The following SLIT2 variants were observed in gnomAD, a reference collection of about 807,000 sequenced individuals.
SLIT2 encodes the protein slit guidance ligand 2.
In SLIT2, 41 loss-of-function variants were observed where a neutral mutation model predicts 185.7. The observed-to-expected ratio is 0.22, with a 90% CI of 0.17 to 0.29. The LOEUF (loss-of-function observed/expected upper bound fraction) is 0.29, where lower values mean the gene tolerates loss of function less well. SLIT2 is among the 10% of genes least tolerant of loss of function. SLIT2 has a pLI of 1.00. For missense variants in SLIT2, 1,571 were observed against 1,909.0 expected (o/e 0.82, Z 3.30); for synonymous variants, 693 against 680.2 (o/e 1.02, Z -0.29).
intron 4 of SLIT2, among the ~76,000 whole-genome samples, chr4:20,450,227 G>T (rs1193514177): frequency 3.3e-5 from 5 of 152,162 alleles, no homozygotes; most frequent in African/African-American, 1.2e-4. Flanking sequence ...ATAGTAAAAT[G>T]AGAACAGTGT....
intron 4 of SLIT2, among the ~76,000 whole-genome samples, chr4:20,368,202 A>G (rs953574040): frequency 6.8e-6 from 1 of 148,114 alleles, no homozygotes; most frequent in African/African-American, 2.5e-5. Context: ...GGTTTTTGAA[A>G]TAGTGTCACA....
intron 29 of SLIT2, among the ~76,000 whole-genome samples, chr4:20,575,399 A>C (rs565149286): frequency 6.6e-6 from 1 of 152,184 alleles, no homozygotes; most frequent in South Asian, 2.1e-4. Context: ...AATGTATATC[A>C]TTAGTCGATA....
chr4:20,606,617 T>C (rs1023247600), intron 33 of SLIT2, among the ~76,000 whole-genome samples: 1 of 152,240 alleles, frequency 6.6e-6, no homozygotes, highest in Non-Finnish European at 1.5e-5. Context: ...AGTTCTGGTG[T>C]GATCAGATTA....
At chr4:20,333,462 C>A (rs1357536223) in intron 4 of SLIT2, among the ~76,000 whole-genome samples, 3 of 152,192 alleles carry the variant, frequency 2.0e-5, no homozygotes, top group Admixed American at 2.0e-4. Context: ...CCTTGTTTCT[C>A]CCTCTCCCTC....
chr4:20,617,682 T>A (rs1458049672), intron 36 of SLIT2, 32 bp downstream of exon 36: 1 of 1,536,690 alleles, frequency 6.5e-7, no homozygotes, highest in Non-Finnish European at 8.9e-7. Flanking sequence ...CCTCATTCTC[T>A]TGGCAAAGCA....
intron 4 of SLIT2, among the ~76,000 whole-genome samples, chr4:20,453,434 G>A (rs905781667): frequency 6.6e-6 from 1 of 152,012 alleles, no homozygotes; most frequent in Admixed American, 6.6e-5. Flanking sequence ...TTATTTGTTG[G>A]TATGTATTTC....
At chr4:20,333,939 A>G (rs1445354353) in intron 4 of SLIT2, among the ~76,000 whole-genome samples, 1 of 152,212 alleles carries the variant, frequency 6.6e-6, no homozygotes, top group Non-Finnish European at 1.5e-5. Context: ...AGAAATAGGT[A>G]CCTACTGCAA....
At chr4:20,358,388 CA>C (rs1722497503) in intron 4 of SLIT2, among the ~76,000 whole-genome samples, 1 of 152,040 alleles carries the variant, frequency 6.6e-6, no homozygotes, top group Admixed American at 6.6e-5. Flanking sequence ...AATTGTGGGC[CA>C]AAAGTTACAG....
intron 29 of SLIT2, among the ~76,000 whole-genome samples, chr4:20,576,477 G>T (rs1726092989): frequency 6.6e-6 from 1 of 152,142 alleles, no homozygotes; most frequent in South Asian, 2.1e-4. Context: ...TGGATTTGTA[G>T]ATTTTGTGTA....
At chr4:20,331,468 T>C (rs2109200801) in intron 4 of SLIT2, among the ~76,000 whole-genome samples, 1 of 152,284 alleles carries the variant, frequency 6.6e-6, no homozygotes, top group South Asian at 2.1e-4. Context: ...AAAATCTATT[T>C]TGCTAAATAC....
chr4:20,323,502 A>G (rs992908196), intron 4 of SLIT2, among the ~76,000 whole-genome samples: 9 of 152,222 alleles, frequency 5.9e-5, no homozygotes, highest in Admixed American at 2.0e-4. Flanking sequence ...CATTAAGGCA[A>G]ATACACATGG....
At chr4:20,512,164 T>G (rs1025611056) in intron 11 of SLIT2, among the ~76,000 whole-genome samples, 10 of 152,134 alleles carry the variant, frequency 6.6e-5, no homozygotes, top group African/African-American at 2.4e-4. Context: ...GAAGGGTTCT[T>G]ATTGATGTCA....
chr4:20,554,845 C>A (rs1023861815), intron 26 of SLIT2, among the ~76,000 whole-genome samples: 1 of 152,022 alleles, frequency 6.6e-6, no homozygotes, highest in African/African-American at 2.4e-5. Flanking sequence ...CTCACTGCAA[C>A]CTCCACCTCC....
intron 4 of SLIT2, among the ~76,000 whole-genome samples, chr4:20,374,194 G>A (rs557901150): frequency 6.6e-6 from 1 of 152,056 alleles, no homozygotes; most frequent in African/African-American, 2.4e-5. Flanking sequence ...TACATGCAGG[G>A]TGTCTGGAGG....
At position 20,522,897 on chromosome 4, in the gene SLIT2, G is replaced by A. The variant is rs116217824; in HGVS notation, c.1131-863G>A. Among the ~76,000 whole-genome samples the A allele has an allele frequency of 1.2e-3, 178 of 152,216 alleles. 3 individuals are homozygous for A. The highest frequency in any genetic ancestry group is 5.0e-3 in the Admixed American group (76 of 15,296). On this transcript the variant is annotated intron_variant, in intron 12 of 36. Transcript: ENST00000504154. ...GACATATGGATGATTTACTGTGGGG[G>A]TAGGGAGGCAGGCATATAGATGACA...
intron 4 of SLIT2, among the ~76,000 whole-genome samples, chr4:20,376,024 A>T (rs931208289): frequency 6.6e-6 from 1 of 151,574 alleles, no homozygotes; most frequent in Non-Finnish European, 1.5e-5. Flanking sequence ...AAAACAATAG[A>T]CCCATTATAT....
At chr4:20,372,251 A>G (rs1474780783) in intron 4 of SLIT2, among the ~76,000 whole-genome samples, 2 of 152,054 alleles carry the variant, frequency 1.3e-5, no homozygotes, top group Non-Finnish European at 2.9e-5. Context: ...TTTTGAGAGG[A>G]ATTTACCTGA....
intron 4 of SLIT2, among the ~76,000 whole-genome samples, chr4:20,408,642 G>A (rs549035190): frequency 3.9e-5 from 6 of 152,162 alleles, no homozygotes; most frequent in South Asian, 4.2e-4. Context: ...GTTACTTTGG[G>A]ATCAAGGCCA....
chr4:20,590,194 C>T (rs752959778), intron 30 of SLIT2, among the ~76,000 whole-genome samples: 8 of 152,042 alleles, frequency 5.3e-5, no homozygotes, highest in African/African-American at 1.7e-4. Flanking sequence ...CGTGAGCCAC[C>T]GCGCCCAGCC....
Sources: allele counts gnomAD v4.1 joint callset (sites outside exome capture counted in the v4.1 genomes callset), GRCh38; gene constraint gnomAD v4.1.1; transcripts MANE v1.5; gene names NCBI Gene and HGNC (gene_info 2026-07-23, HGNC 2026-07-21).